Variants in PPP2R1B observed in about 807,000 individuals in gnomAD.
PPP2R1B encodes the protein serine/threonine-protein phosphatase 2A 65 kDa regulatory subunit A beta isoform.
In PPP2R1B, 58 loss-of-function variants were observed where a neutral mutation model predicts 72.7. That is an observed-to-expected ratio of 0.80 (90% confidence interval 0.65 to 0.99). PPP2R1B has a LOEUF of 0.99. Among genes scored for constraint, PPP2R1B ranks in the 50% least tolerant of loss-of-function variants. The pLI, the probability that PPP2R1B is intolerant of heterozygous loss-of-function variation, is 0.00. For synonymous variants in PPP2R1B, 256 were observed against 264.6 expected, an observed-to-expected ratio of 0.97 and a Z score of 0.32; for missense variants, 695 against 733.6, an observed-to-expected ratio of 0.95 and a Z score of 0.61.
chr11:111,746,727 C>G (rs1449841499), intron 11 of PPP2R1B, among the ~76,000 whole-genome samples: 1 of 152,040 alleles, frequency 6.6e-6, no homozygotes, highest in Admixed American at 6.6e-5. Context: ...ATAACATAAA[C>G]ATTTTTTTTA....
chr11:111,692,107 T>C, the PPP2R1B span, among the ~76,000 whole-genome samples: 1 of 151,262 alleles, frequency 6.6e-6, no homozygotes, highest in Admixed American at 6.6e-5. Context: ...TCCTAGCACT[T>C]TGGGAGGCCA....
intron 15 of PPP2R1B, chr11:111,727,121 C>T: frequency 1.4e-6 from 2 of 1,428,526 alleles, no homozygotes; most frequent in Non-Finnish European, 2.0e-6. Context: ...TTCCCGGTGA[C>T]ACTGACCGTC....
At chr11:111,688,771 A>G in the PPP2R1B span, among the ~76,000 whole-genome samples, 1 of 152,330 alleles carries the variant, frequency 6.6e-6, no homozygotes, top group South Asian at 2.1e-4. This position sits in a 1 kb window ranked among gnomAD's most constrained non-coding sequence, Gnocchi z 4.2. Flanking sequence ...CATTCACTCA[A>G]TAAATATGTA....
At chr11:111,704,681 T>C in the PPP2R1B span, among the ~76,000 whole-genome samples, 1 of 152,168 alleles carries the variant, frequency 6.6e-6, no homozygotes, top group Non-Finnish European at 1.5e-5. Context: ...TATGGCAGCA[T>C]TGGGGAATGT....
chr11:111,717,664 T>A, the PPP2R1B span, among the ~76,000 whole-genome samples: 1 of 152,364 alleles, frequency 6.6e-6, no homozygotes, highest in East Asian at 1.9e-4. Context: ...GCAGCTCTAT[T>A]CACAACAGCA....
At chr11:111,748,164 C>A in intron 10 of PPP2R1B, 150 bp from the exon 11 acceptor site, 1 of 655,008 alleles carries the variant, frequency 1.5e-6, no homozygotes, top group Admixed American at 3.1e-5. Context: ...GAATTACAAA[C>A]AAACCATAAA....
intron 3 of PPP2R1B, among the ~76,000 whole-genome samples, chr11:111,762,140 C>T (rs1945351602): frequency 6.6e-6 from 1 of 152,046 alleles, no homozygotes; most frequent in South Asian, 2.1e-4. Context: ...TGCATGTAGT[C>T]CAGGTAGATT....
rs145742091 is a variant in PPP2R1B at position 111,726,969 on chromosome 11, T to A, written c.2000A>T (p.Asp667Val). 1.4e-4 allele frequency: 222 copies of A among 1,613,656 alleles called. No individual in the cohort carries two copies. In the African/African-American group the frequency reaches 2.4e-3, roughly 17 times the overall value. ...TCTTTTTTTAAATCTGGGGTATTAG[T>A]CTGTGCTTTGGGAGAAATGCACTAG... The change falls in exon 16 of 16, where the codon GAC (aspartate) becomes GTC (valine). Residue 667 changes from aspartate (D) to valine (V), a missense_variant. Transcript: ENST00000311129.
In PPP2R1B at chr11:111,766,139, G is replaced by A. The variant is rs547553340; in HGVS notation, c.114+109C>T. ...CCTCCCCTTCAAGTTTCTGCTACGA[G>A]TCCGACTCATTCAGTACCTCGGCCA... On this transcript the variant is annotated intron_variant, in intron 1 of 14. Transcript: ENST00000527614. 1,043 of 1,020,722 alleles carry A rather than the reference G, an allele frequency of 1.0e-3. 1 individual carries two copies. Among genetic ancestry groups the A allele is most frequent in the Non-Finnish European group, 1.4e-3 (918 of 677,980 alleles). 63.2% of individuals were successfully genotyped at this position (1,020,722 alleles called of 1,614,324 possible).
At chr11:111,693,060 G>A in the PPP2R1B span, among the ~76,000 whole-genome samples, 1 of 152,088 alleles carries the variant, frequency 6.6e-6, no homozygotes, top group African/African-American at 2.4e-5. Flanking sequence ...CAGGCCGGGC[G>A]CAGTGGCTCA....
chr11:111,715,733 C>A, the PPP2R1B span, among the ~76,000 whole-genome samples: 2 of 148,854 alleles, frequency 1.3e-5, no homozygotes, highest in Admixed American at 6.7e-5. Flanking sequence ...CTTCAAGTAT[C>A]TCTTTTTAAT....
intron 11 of PPP2R1B, 122 bp downstream of exon 11, chr11:111,747,832 C>A: frequency 3.8e-6 from 3 of 780,082 alleles, no homozygotes; most frequent in East Asian, 2.9e-5. Flanking sequence ...TTAATTAGAG[C>A]CTTTCTTCAT....
intron 15 of PPP2R1B, chr11:111,728,019 C>T (rs981158639): frequency 1.3e-5 from 2 of 152,188 alleles, no homozygotes; most frequent in Non-Finnish European, 2.9e-5. Flanking sequence ...AACTTTTTCC[C>T]ATTCGACCTC....
chr11:111,689,476 G>C, the PPP2R1B span, among the ~76,000 whole-genome samples: 1 of 152,202 alleles, frequency 6.6e-6, no homozygotes, highest in Non-Finnish European at 1.5e-5. Context: ...AGCAGCAGCA[G>C]TAGAGGTTGA....
At chr11:111,689,854 A>C in the PPP2R1B span, among the ~76,000 whole-genome samples, 2 of 152,018 alleles carry the variant, frequency 1.3e-5, no homozygotes, top group Non-Finnish European at 2.9e-5. Context: ...TCAATATTAC[A>C]TATGTTACAG....
At chr11:111,766,136 C>T (rs532291148) in intron 1 of PPP2R1B, 112 bp downstream of exon 1, 297 of 985,530 alleles carry the variant, frequency 3.0e-4, no homozygotes, top group Admixed American at 1.7e-3. Flanking sequence ...GTTTCTGCTA[C>T]GAGTCCGACT....
At chr11:111,734,816 T>C (rs1944292755), downstream of PPP2R1B, among the ~76,000 whole-genome samples, 1 of 152,214 alleles carries the variant, frequency 6.6e-6, no homozygotes, top group Non-Finnish European at 1.5e-5. Context: ...AGAGCTGCCC[T>C]TGAGACCCCC....
chr11:111,740,720 C>T lies in PPP2R1B; in HGVS notation c.*876G>A, dbSNP rs554615930. The T allele has an allele frequency of 1.1e-5, 11 of 985,426 alleles. No homozygotes were observed. In the African/African-American group the frequency reaches 1.9e-4, roughly 17 times the overall value. 61.0% of individuals were successfully genotyped at this position (985,426 alleles called of 1,614,324 possible). A position where few individuals can be genotyped will look rare whatever the true frequency, so the allele number is the denominator to read the frequency against. On this transcript the variant is annotated 3_prime_UTR_variant, in exon 15 of 15. Transcript: ENST00000527614. ...ATGCAGCAAGGACTAGGTGTCAATA[C>T]TGCTGGAAGCAGAGCCAGGTAAAGA... is the stretch of plus-strand genomic sequence containing the variant.
chr11:111,755,716 A>T (rs543279070), intron 5 of PPP2R1B, among the ~76,000 whole-genome samples: 1 of 151,024 alleles, frequency 6.6e-6, no homozygotes, highest in African/African-American at 2.4e-5. Context: ...CAGCCTCCCG[A>T]GTAGCTGGGA....
Sources: allele counts gnomAD v4.1 joint callset (sites outside exome capture counted in the v4.1 genomes callset), GRCh38; gene constraint gnomAD v4.1.1; non-coding constraint Gnocchi (gnomAD v3.1); transcripts MANE v1.5; gene names NCBI Gene and HGNC (gene_info 2026-07-23, HGNC 2026-07-21).